The following MAK variants were observed in gnomAD, a reference collection of about 807,000 sequenced individuals.
The protein encoded by MAK is male germ cell associated kinase.
Under a neutral mutation model 82.6 loss-of-function variants are expected in MAK, and 65 were observed. The ratio of observed to expected loss-of-function variants is 0.79; its 90% CI spans 0.64 to 0.97. The LOEUF is 0.97. Among genes scored for constraint, MAK ranks in the 50% least tolerant of loss-of-function variants. The probability of loss-of-function intolerance (pLI) is 0.00; values close to 1 mark genes in which losing one functional copy is unlikely to be tolerated. For missense variants in MAK, 703 were observed against 780.2 expected, an observed-to-expected ratio of 0.90 and a Z score of 1.18; for synonymous variants, 250 against 274.2, an observed-to-expected ratio of 0.91 and a Z score of 0.87.
Position 10,784,588 on chromosome 6 carries a change from A to T in MAK, c.1317-16T>A. The T allele has an allele frequency of 6.2e-7, 1 of 1,611,984 alleles. No homozygotes were observed. The highest frequency in any genetic ancestry group is 8.5e-7 in the Non-Finnish European group (1 of 1,179,858). On this transcript the variant is annotated splice_polypyrimidine_tract_variant and intron_variant, in intron 10 of 14. Transcript: ENST00000354489. ...CTCTGGAAGCCTTGAAAGCCAATGA[A>T]AGGTAGCATTACAGCACGAACAACG...
At chr6:10,827,927 T>C (rs914805655) in intron 2 of MAK, 4 of 152,188 alleles carry the variant, frequency 2.6e-5, no homozygotes, top group African/African-American at 9.6e-5. Context: ...GCGATCCTCC[T>C]GCCTTGCCCT....
intron 8 of MAK, among the ~76,000 whole-genome samples, chr6:10,801,184 C>T (rs1775990154): frequency 6.6e-6 from 1 of 152,030 alleles, no homozygotes; most frequent in Non-Finnish European, 1.5e-5. Context: ...ATTTGTTCTT[C>T]CAGATGACAT....
intron 8 of MAK, chr6:10,797,725 GC>G: frequency 2.5e-6 from 3 of 1,178,006 alleles, no homozygotes; most frequent in Non-Finnish European, 3.2e-6. Context: ...TGGGAACATA[GC>G]CCTGACCAAC....
intron 10 of MAK, among the ~76,000 whole-genome samples, chr6:10,790,049 A>G (rs1457459361): frequency 6.6e-6 from 1 of 152,232 alleles, no homozygotes; most frequent in Non-Finnish European, 1.5e-5. Flanking sequence ...TTTCTGTAAG[A>G]CAAGAACCAA....
chr6:10,813,518 T>C (rs1777227536), intron 5 of MAK, 126 bp downstream of exon 5: 2 of 690,298 alleles, frequency 2.9e-6, no homozygotes, highest in Admixed American at 4.2e-5. Flanking sequence ...TGTCAGTGTG[T>C]ATAGGCACAT....
rs139232111 is a variant in MAK, at chr6:10,825,026, C to G, written c.101+5522G>C. 3.0e-3 allele frequency among the ~76,000 whole-genome samples: 453 copies of G among 152,336 alleles called. 1 individual carries two copies. Among genetic ancestry groups the G allele is most frequent in the Non-Finnish European group, 5.4e-3 (368 of 68,032 alleles). On this transcript the variant is annotated intron_variant, in intron 2 of 14. Coordinates refer to ENST00000354489, the MANE Select transcript of MAK (RefSeq NM_001242957.3). ...GGAAGAGAGACCACGTGACCCAATA[C>G]TAGCCAGTAAGATGTAAGGGGATGT...
At chr6:10,782,245 C>G (rs1403833835) in intron 11 of MAK, among the ~76,000 whole-genome samples, 1 of 139,238 alleles carries the variant, frequency 7.2e-6, no homozygotes, top group Non-Finnish European at 1.6e-5. Flanking sequence ...CACACACACA[C>G]ACACAGACAC....
At chr6:10,810,235 C>T (rs541190657) in intron 5 of MAK, among the ~76,000 whole-genome samples, 2 of 151,966 alleles carry the variant, frequency 1.3e-5, no homozygotes, top group South Asian at 4.2e-4. Flanking sequence ...CTGGTTATAT[C>T]CAAATGGCTT....
At chr6:10,773,722 C>T (rs191065790) in intron 12 of MAK, among the ~76,000 whole-genome samples, 40 of 144,244 alleles carry the variant, frequency 2.8e-4, no homozygotes, top group African/African-American at 7.2e-4. Context: ...GACAGAATCT[C>T]GCTCTGTCGC....
intron 1 of MAK, among the ~76,000 whole-genome samples, chr6:10,831,888 G>T (rs1032392569): frequency 2.6e-5 from 4 of 152,162 alleles, no homozygotes; most frequent in African/African-American, 9.7e-5. Flanking sequence ...TATTGAGATG[G>T]AATCTACTTC....
At chr6:10,798,167 G>T (rs1193141514) in intron 8 of MAK, among the ~76,000 whole-genome samples, 1 of 143,172 alleles carries the variant, frequency 7.0e-6, no homozygotes, top group Non-Finnish European at 1.5e-5. Context: ...ACCCAGACTG[G>T]AGTGCAGTGG....
intron 1 of MAK, among the ~76,000 whole-genome samples, chr6:10,833,238 T>TA (rs1415968444): frequency 2.6e-5 from 4 of 152,302 alleles, no homozygotes; most frequent in African/African-American, 9.6e-5. Flanking sequence ...ACAGTAAAGT[T>TA]ATGTTGTTTC....
intron 1 of MAK, 95 bp from the exon 2 acceptor site, chr6:10,830,972 A>C: frequency 1.4e-5 from 5 of 350,152 alleles, no homozygotes; most frequent in South Asian, 1.2e-4. Context: ...ATTATAAATA[A>C]TATAAATACT....
Position 10,813,735 on chromosome 6 carries a change from T to C in MAK, c.279-12A>G, listed in dbSNP as rs371669579. ...GGAACAACTTGTTTCTGTAAAGAAATGAACAGTCACATAATTCTGTTAAGC... is the reference window on the plus strand; with the variant it reads ...GGAACAACTTGTTTCTGTAAAGAAACGAACAGTCACATAATTCTGTTAAGC... On this transcript the variant is annotated splice_polypyrimidine_tract_variant and intron_variant, in intron 4 of 14. Transcript: ENST00000354489. The C allele has an allele frequency of 1.4e-5, 20 of 1,462,270 alleles. No homozygotes were observed. The highest frequency in any genetic ancestry group is 1.8e-5 in the Non-Finnish European group (19 of 1,042,110). 90.6% of individuals were successfully genotyped at this position (1,462,270 alleles called of 1,614,324 possible).
chr6:10,797,882 CAG>C (rs749404345), intron 8 of MAK: 5 of 1,282,648 alleles, frequency 3.9e-6, no homozygotes, highest in Middle Eastern at 2.1e-4. Context: ...GGCTGTGAAA[CAG>C]AGCACAAGAA....
At position 10,770,149 on chromosome 6, in the gene MAK, T is replaced by C. The variant is rs1006561135; in HGVS notation, c.1754A>G (p.Gln585Arg). ...FLKKEVQSAG[Q>R]RIHLAPLNAT... Reference sequence around the variant, plus strand: ...ATTGAGAGGTGCTAAGTGGATCCTCTGGCCAGCTGACTGCACTTCTTTTTT... The same window carrying C: ...ATTGAGAGGTGCTAAGTGGATCCTCCGGCCAGCTGACTGCACTTCTTTTTT... Residue 585 changes from glutamine to arginine, a missense_variant, in exon 14 of 15, where the codon CAG (glutamine) becomes CGG (arginine). Physicochemically the swap from Gln to Arg is conservative, Grantham distance 43 (BLOSUM62 1). Transcript: ENST00000354489. 1 of 1,614,196 alleles carries C rather than the reference T, an allele frequency of 6.2e-7. No individual in the cohort carries two copies. The highest frequency in any genetic ancestry group is 8.5e-7 in the Non-Finnish European group (1 of 1,180,028).
intron 2 of MAK, chr6:10,826,483 T>G (rs971088679): frequency 3.9e-5 from 6 of 152,198 alleles, no homozygotes; most frequent in Non-Finnish European, 7.3e-5. Context: ...AACAATTTTG[T>G]GCTAAATGAA....
intron 2 of MAK, among the ~76,000 whole-genome samples, chr6:10,824,943 C>T (rs993238826): frequency 8.5e-5 from 13 of 152,316 alleles, no homozygotes; most frequent in African/African-American, 3.1e-4. Flanking sequence ...AGCCCCTTTC[C>T]TTCTGCCTCC....
intron 2 of MAK, among the ~76,000 whole-genome samples, chr6:10,820,472 A>T (rs1231222072): frequency 1.3e-5 from 2 of 152,106 alleles, no homozygotes; most frequent in South Asian, 4.1e-4. Context: ...TCACCTAATG[A>T]CCTGTCTGTG....
Sources: gnomAD v4.1 joint callset for allele counts (sites outside exome capture counted in the v4.1 genomes callset) on GRCh38, gnomAD v4.1.1 for gene constraint, MANE v1.5 for transcripts, NCBI Gene and HGNC (gene_info 2026-07-23, HGNC 2026-07-21) for gene names.